The following LUC7L variants were observed in gnomAD, a reference collection of about 807,000 sequenced individuals.
LUC7L encodes the protein putative RNA-binding protein Luc7-like 1.
In LUC7L, 29 loss-of-function variants were observed where a neutral mutation model predicts 51.1. That is an observed-to-expected ratio of 0.57 (90% CI 0.42 to 0.77). The LOEUF (loss-of-function observed/expected upper bound fraction) is 0.77, where lower values mean the gene tolerates loss of function less well. Among genes scored for constraint, LUC7L ranks in the 30% least tolerant of loss-of-function variants. The pLI is 0.00. For missense variants in LUC7L, 403 were observed against 511.9 expected (o/e 0.79, Z 2.05); for synonymous variants, 181 against 180.7 (o/e 1.00, Z -0.01).
intron 2 of LUC7L, among the ~76,000 whole-genome samples, chr16:222,044 G>A (rs1012360540): frequency 3.9e-5 from 6 of 152,094 alleles, no homozygotes; most frequent in Non-Finnish European, 7.4e-5. Flanking sequence ...CAAGCAAAAC[G>A]TTCCATTACT....
intron 3 of LUC7L, among the ~76,000 whole-genome samples, chr16:210,923 C>T (rs1184974126): frequency 2.6e-5 from 4 of 151,706 alleles, no homozygotes; most frequent in African/African-American, 7.3e-5. Context: ...TGGTGGCGGG[C>T]GCCTATAGTC....
chr16:208,863 T>C (rs1349726648), intron 3 of LUC7L: 1 of 152,330 alleles, frequency 6.6e-6, no homozygotes, highest in African/African-American at 2.4e-5. Context: ...TAAGGTTAAT[T>C]CACCATAACT....
intron 3 of LUC7L, among the ~76,000 whole-genome samples, chr16:212,782 CTT>C (rs767314266): frequency 6.8e-6 from 1 of 146,976 alleles, no homozygotes. Context: ...AGAAATATAC[CTT>C]TTTTTTTTTT....
At chr16:203,346 A>T (rs1021904049) in intron 5 of LUC7L, among the ~76,000 whole-genome samples, 2 of 152,166 alleles carry the variant, frequency 1.3e-5, no homozygotes, top group Admixed American at 1.3e-4. Flanking sequence ...AGAAAATAGA[A>T]GCAGAGAGAG....
chr16:211,052 C>CAAA (rs572440490), intron 3 of LUC7L, among the ~76,000 whole-genome samples: 2 of 122,112 alleles, frequency 1.6e-5, no homozygotes, highest in South Asian at 2.6e-4. Context: ...CACTCCGTCT[C>CAAA]AAAAAAAAAA....
rs974144392 is a variant in LUC7L, at chr16:212,261, C to A, written c.256-4073G>T. ...TGAGCTGAGATCGTGCCATTGCACT[C>A]CAACCTGGGCAACAAGAGCGAAACT... On this transcript the variant is annotated intron_variant, in intron 3 of 9. Transcript: ENST00000293872. Among the ~76,000 whole-genome samples the A allele has an allele frequency of 2.6e-5, 4 of 152,128 alleles. No individual in the cohort carries two copies. The East Asian group carries it at 7.7e-4, about 29-fold the overall frequency.
At chr16:228,875 G>A in intron 1 of LUC7L, 1 of 1,313,806 alleles carries the variant, frequency 7.6e-7, no homozygotes, top group South Asian at 1.2e-5. Flanking sequence ...GGCTCCCTCG[G>A]GTGTAGCTTC....
chr16:225,735 TCGGC>T, intron 2 of LUC7L, among the ~76,000 whole-genome samples: 1 of 151,236 alleles, frequency 6.6e-6, no homozygotes, highest in South Asian at 2.1e-4. Context: ...TCCACCCGCC[TCGGC>T]CTCCCAAAGT....
At chr16:212,977 T>C (rs900129312) in intron 3 of LUC7L, among the ~76,000 whole-genome samples, 7 of 152,144 alleles carry the variant, frequency 4.6e-5, no homozygotes, top group Non-Finnish European at 1.0e-4. Flanking sequence ...TTGCCCAGGC[T>C]GGTCTCGAAT....
At chr16:207,488 G>A (rs181487888) in intron 4 of LUC7L, among the ~76,000 whole-genome samples, 45 of 152,214 alleles carry the variant, frequency 3.0e-4, no homozygotes, top group Admixed American at 2.9e-3. Context: ...CCAAAGTGCT[G>A]GGACTACAAG....
At chr16:227,073 C>T (rs951097280) in intron 2 of LUC7L, among the ~76,000 whole-genome samples, 169 bp downstream of exon 2, 4 of 152,244 alleles carry the variant, frequency 2.6e-5, no homozygotes, top group East Asian at 3.9e-4. Flanking sequence ...GACACTCCAT[C>T]GCATGCATGC....
chr16:221,143 C>A (rs2049954343), intron 2 of LUC7L, among the ~76,000 whole-genome samples: 1 of 150,684 alleles, frequency 6.6e-6, no homozygotes, highest in South Asian at 2.1e-4. Flanking sequence ...CCTCATTCTC[C>A]CAAGTAGCTG....
intron 3 of LUC7L, chr16:208,648 A>G: frequency 1.0e-6 from 1 of 987,918 alleles, no homozygotes; most frequent in South Asian, 4.6e-5. Context: ...TTCTGAGGGT[A>G]GGGTCCCCCC....
chr16:188,997 G>T lies in LUC7L; in HGVS notation c.*201C>A. On this transcript the variant is annotated 3_prime_UTR_variant, in exon 10 of 10. Coordinates refer to ENST00000293872, the MANE Select transcript of LUC7L (RefSeq NM_201412.3). ...CAGAAACCCCCCGCAGCCTCAGGAG[G>T]CAGCATCAGATTTATTTATTCCTAC... 1.9e-6 allele frequency: 1 copy of T among 540,258 alleles called. No individual in the cohort carries two copies. The highest frequency in any genetic ancestry group is 3.2e-6 in the Non-Finnish European group (1 of 311,588). The allele number at this position is 540,258 out of a possible 1,614,324, so 33.5% of individuals were successfully genotyped here. A position where few individuals can be genotyped will look rare whatever the true frequency, so the allele number is the denominator to read the frequency against.
intron 3 of LUC7L, among the ~76,000 whole-genome samples, chr16:218,087 G>A (rs2049858455): frequency 6.6e-6 from 1 of 151,642 alleles, no homozygotes; most frequent in Admixed American, 6.6e-5. Flanking sequence ...CAGCTACTCA[G>A]GAGGCTGAGG....
chr16:197,794 G>T (rs976815553), intron 6 of LUC7L, among the ~76,000 whole-genome samples: 2 of 152,138 alleles, frequency 1.3e-5, no homozygotes, highest in African/African-American at 4.8e-5. Flanking sequence ...GCATTCTGCA[G>T]TCAGCGACAC....
intron 5 of LUC7L, among the ~76,000 whole-genome samples, chr16:202,965 T>C (rs1245242945): frequency 3.3e-5 from 5 of 152,038 alleles, no homozygotes; most frequent in Admixed American, 6.6e-5. Flanking sequence ...CTGACCGACA[T>C]GGTGAAACCC....
chr16:203,089 T>G (rs2049378723), intron 5 of LUC7L, among the ~76,000 whole-genome samples: 1 of 152,118 alleles, frequency 6.6e-6, no homozygotes, highest in Non-Finnish European at 1.5e-5. Flanking sequence ...AGTTGGAGGT[T>G]GCAGCGAGCC....
At chr16:201,230 A>T in intron 5 of LUC7L, among the ~76,000 whole-genome samples, 1 of 124,486 alleles carries the variant, frequency 8.0e-6, no homozygotes, top group African/African-American at 3.0e-5. Context: ...CCATTATAGT[A>T]TGCTACATAA....
Sources: allele counts gnomAD v4.1 joint callset (sites outside exome capture counted in the v4.1 genomes callset), GRCh38; gene constraint gnomAD v4.1.1; transcripts MANE v1.5; gene names NCBI Gene and HGNC (gene_info 2026-07-23, HGNC 2026-07-21).